Variants in PSAP observed in about 807,000 individuals in gnomAD.
PSAP encodes the protein prosaposin, also known as precursor of saposins.
A neutral mutation model predicts 66.0 loss-of-function variants in PSAP; 25 were observed. The observed-to-expected ratio is 0.38, with a 90% CI of 0.28 to 0.53. PSAP has a LOEUF of 0.53. Ranked by LOEUF, PSAP falls within the 20% of genes least tolerant of loss-of-function variation. The pLI is 0.83. For synonymous variants in PSAP, 273 were observed against 258.9 expected (o/e 1.05, Z -0.52); for missense variants, 649 against 668.8 (o/e 0.97, Z 0.33).
Position 71,816,591 on chromosome 10 carries a change from T to C in PSAP, c.*850A>G. ...TTGAAAAGGTCAAAAGGAGCATCTA[T>C]GAGACAAGGGAGGGGTGCAGGCTGA... On this transcript the variant is annotated 3_prime_UTR_variant, in exon 14 of 14. Transcript: ENST00000394936. 2.4e-6 allele frequency: 1 copy of C among 420,108 alleles called. No individual in the cohort carries two copies. The highest frequency in any genetic ancestry group is 5.1e-6 in the Non-Finnish European group (1 of 197,146). 26.0% of individuals were successfully genotyped at this position (420,108 alleles called of 1,614,324 possible).
chr10:71,836,574 C>A (rs1353859799), intron 1 of PSAP, among the ~76,000 whole-genome samples: 3 of 152,154 alleles, frequency 2.0e-5, no homozygotes, highest in Admixed American at 2.0e-4. Context: ...AAATGAGTCT[C>A]TAGGCAGAGG....
At chr10:71,830,147 T>C (rs1413932980) in intron 4 of PSAP, among the ~76,000 whole-genome samples, 1 of 152,206 alleles carries the variant, frequency 6.6e-6, no homozygotes, top group Non-Finnish European at 1.5e-5. Flanking sequence ...GTTTAACTTC[T>C]GTAATCATGC....
At chr10:71,827,619 C>T (rs567951674) in intron 6 of PSAP, among the ~76,000 whole-genome samples, 11 of 150,348 alleles carry the variant, frequency 7.3e-5, no homozygotes, top group East Asian at 3.9e-4. Context: ...CCCAGCTACT[C>T]GGGAGGCTAA....
intron 1 of PSAP, among the ~76,000 whole-genome samples, chr10:71,845,563 G>C (rs1253253787): frequency 6.6e-6 from 1 of 152,184 alleles, no homozygotes; most frequent in Admixed American, 6.5e-5. Context: ...AGGCTGTTTG[G>C]GGAGGGCCTG....
rs1842725313 is a variant in PSAP, at chr10:71,841,072, C to CT, written c.41-6568dup. Among the ~76,000 whole-genome samples, 6 of 152,316 alleles carry CT rather than the reference C, an allele frequency of 3.9e-5. No individual in the cohort carries two copies. The South Asian group carries it at 1.2e-3, about 32-fold the overall frequency. On this transcript the variant is annotated intron_variant, in intron 1 of 13. Transcript: ENST00000394936. ...GTAATCCATGACTGAAAAACTAGCC[C>CT]TTGGCAGGACTATCCAGATTCCAGC...
Position 71,831,141 on chromosome 10 carries a change from G to A in PSAP, c.360C>T (p.Ile120=). The part of the protein sequence containing the change: ...VDSYLPVILD[I]IKGEMSRPGE... Reference sequence around the variant, plus strand: ...CATCACTTACCATTTCTCCTTTAATGATGTCCAGGATGACAGGGAGGTAGG... The same window carrying A: ...CATCACTTACCATTTCTCCTTTAATAATGTCCAGGATGACAGGGAGGTAGG... The change falls in exon 4 of 14, where the codon ATC becomes ATT. Residue 120 remains isoleucine, a synonymous_variant. Transcript: ENST00000394936. The A allele has an allele frequency of 6.2e-7, 1 of 1,614,050 alleles. No homozygotes were observed. Among genetic ancestry groups the A allele is most frequent in the Non-Finnish European group, 8.5e-7 (1 of 1,179,984 alleles).
In PSAP at chr10:71,843,593, A is replaced by T. The variant is rs553655218; in HGVS notation, c.40+7589T>A. Among the ~76,000 whole-genome samples the T allele has an allele frequency of 2.0e-5, 3 of 152,356 alleles. No individual in the cohort carries two copies. The South Asian group carries it at 6.2e-4, about 32-fold the overall frequency. On this transcript the variant is annotated intron_variant, in intron 1 of 13. Transcript: ENST00000394936. ...CAGTATCTGTCCAAATGTGGCCAGA[A>T]TTTACAATTTTTACATTTGCAAGTC...
chr10:71,835,691 A>G (rs1842608529), intron 1 of PSAP, among the ~76,000 whole-genome samples: 2 of 152,178 alleles, frequency 1.3e-5, no homozygotes, highest in African/African-American at 4.8e-5. Context: ...CCAATTATTT[A>G]GCTAGGAAAC....
intron 1 of PSAP, among the ~76,000 whole-genome samples, chr10:71,835,617 G>A (rs1842606357): frequency 6.6e-6 from 1 of 151,960 alleles, no homozygotes; most frequent in Non-Finnish European, 1.5e-5. Flanking sequence ...CTTAAAACAG[G>A]TCCTTGATTT....
Position 71,821,955 on chromosome 10 carries a change from A to C in PSAP, c.830T>G (p.Met277Arg), listed in dbSNP as rs772914489. The change falls in exon 8 of 14, where the codon ATG becomes AGG. Residue 277 changes from methionine (M) to arginine (R), a missense_variant. Physicochemically the swap from Met to Arg is moderately conservative, Grantham distance 91. Coordinates refer to ENST00000394936, the MANE Select transcript of PSAP (RefSeq NM_002778.4). ...GGCGGGGACCAGAGTCTGCATGGGC[A>C]TCTCTTTCACCTCATCACAGAACCC... Reference protein sequence around the residue: ...LVGFCDEVKEMPMQTLVPAKV... With the variant: ...LVGFCDEVKERPMQTLVPAKV... The C allele has an allele frequency of 1.2e-5, 19 of 1,614,106 alleles. No individual in the cohort carries two copies. The Admixed American group carries it at 3.2e-4, about 27-fold the overall frequency.
At position 71,828,866 on chromosome 10, in the gene PSAP, C is replaced by G; in HGVS notation, c.576+11G>C. On this transcript the variant is annotated intron_variant, in intron 5 of 13. Transcript: ENST00000394936. ...AAAAATGGGTCCTCAGTGGCCAGCC[C>G]GTTGTCTTACCTTTGGCTGGGGCTT... The G allele has an allele frequency of 5.0e-6, 8 of 1,613,742 alleles. No individual in the cohort carries two copies. Among genetic ancestry groups the G allele is most frequent in the Non-Finnish European group, 6.8e-6 (8 of 1,179,956 alleles).
At chr10:71,825,786 A>G (rs764561762) in intron 7 of PSAP, 51 bp downstream of exon 7, 1 of 1,542,766 alleles carries the variant, frequency 6.5e-7, no homozygotes, top group African/African-American at 1.4e-5. Context: ...AGAAATGACG[A>G]AACCTGAAAA....
intron 7 of PSAP, 111 bp from the exon 8 acceptor site, chr10:71,822,118 G>A: frequency 6.8e-7 from 1 of 1,463,220 alleles, no homozygotes; most frequent in Non-Finnish European, 9.4e-7. Context: ...CCAGGTCAAG[G>A]CTACCTCCCT....
rs370472398 is a variant in PSAP at position 71,819,650 on chromosome 10, C to T, written c.1193-28G>A. On this transcript the variant is annotated intron_variant, in intron 10 of 13. Coordinates refer to ENST00000394936, the MANE Select transcript of PSAP (RefSeq NM_002778.4). ...ACATAAGAGGGCAGCGGGCTCAACG[C>T]TGGCAGGGCCCTCCCAGACCCAAGA... The T allele has an allele frequency of 6.8e-6, 11 of 1,614,004 alleles. No homozygotes were observed. In the African/African-American group the frequency reaches 1.2e-4, roughly 18 times the overall value.
chr10:71,842,337 G>A (rs929768596), intron 1 of PSAP, among the ~76,000 whole-genome samples: 11 of 152,032 alleles, frequency 7.2e-5, no homozygotes, highest in African/African-American at 2.7e-4. Context: ...TTTGTGTTTT[G>A]GAAAATATTT....
chr10:71,832,034 A>AC, intron 2 of PSAP, 114 bp from the exon 3 acceptor site: 4 of 1,059,252 alleles, frequency 3.8e-6, no homozygotes, highest in Non-Finnish European at 5.8e-6. Context: ...TATGATCATG[A>AC]CCGCGCTCCT....
chr10:71,836,327 C>G (rs1842628349), intron 1 of PSAP, among the ~76,000 whole-genome samples: 1 of 152,132 alleles, frequency 6.6e-6, no homozygotes, highest in Non-Finnish European at 1.5e-5. Context: ...ATGGCTGGCG[C>G]CAGCCTCAGT....
intron 4 of PSAP, among the ~76,000 whole-genome samples, chr10:71,829,769 C>T (rs953849326): frequency 9.9e-5 from 15 of 152,022 alleles, no homozygotes; most frequent in East Asian, 1.9e-4. Flanking sequence ...GAGGCCGAGG[C>T]GGGCGGATCG....
In PSAP at chr10:71,841,487, C is replaced by T. The variant is rs114515106; in HGVS notation, c.41-6982G>A. On this transcript the variant is annotated intron_variant, in intron 1 of 13. Transcript: ENST00000394936. Reference sequence around the variant, plus strand: ...AATGTTCAGACCACAGCATGGGTCACGGGAGGATATCAGACTGGCCCAGAA... The same window carrying T: ...AATGTTCAGACCACAGCATGGGTCATGGGAGGATATCAGACTGGCCCAGAA... 2.6e-3 allele frequency among the ~76,000 whole-genome samples: 392 copies of T among 152,296 alleles called. 2 individuals carry two copies. The highest frequency in any genetic ancestry group is 8.8e-3 in the African/African-American group (366 of 41,546).
Sources: gnomAD v4.1 joint callset for allele counts (sites outside exome capture counted in the v4.1 genomes callset) on GRCh38, gnomAD v4.1.1 for gene constraint, MANE v1.5 for transcripts, NCBI Gene and HGNC (gene_info 2026-07-23, HGNC 2026-07-21) for gene names.